The following RABL6 variants were observed in gnomAD, a reference collection of about 807,000 sequenced individuals.
The protein encoded by RABL6 is rab-like protein 6.
Under a neutral mutation model 72.9 loss-of-function variants are expected in RABL6, and 28 were observed. That is an observed-to-expected ratio of 0.38 (90% CI 0.28 to 0.53). The LOEUF (loss-of-function observed/expected upper bound fraction) is 0.53, where lower values mean the gene tolerates loss of function less well. Among genes scored for constraint, RABL6 ranks in the 20% least tolerant of loss-of-function variants. The probability of loss-of-function intolerance (pLI) is 0.80; values close to 1 mark genes in which losing one functional copy is unlikely to be tolerated. For synonymous variants in RABL6, 477 were observed against 421.2 expected (o/e 1.13, Z -1.62); for missense variants, 1,029 against 1,008.4 (o/e 1.02, Z -0.28).
chr9:136,811,010 G>A (rs1848000046), intron 1 of RABL6, among the ~76,000 whole-genome samples: 1 of 152,186 alleles, frequency 6.6e-6, no homozygotes, highest in African/African-American at 2.4e-5. Flanking sequence ...TAGTGGTCCC[G>A]GTAGACGTGT....
At chr9:136,833,396 C>T (rs1304826407) in intron 7 of RABL6, 6 of 395,644 alleles carry the variant, frequency 1.5e-5, no homozygotes, top group East Asian at 6.6e-5. Context: ...TGGGCTGCCC[C>T]GCCTGGGTCT....
chr9:136,839,807 C>T lies in RABL6; in HGVS notation c.1872C>T (p.Asp624=). Residue 624 remains aspartate (D), a synonymous_variant, in exon 13 of 15, where the codon GAC becomes GAT. Transcript: ENST00000311502. ...LPLPAFRLKN[D]SDLFGLGLEE... ...TCCCCGCCTTCAGACTGAAGAATGACTCGGACCTCTTCGGGCTGGGGCTGG... is the reference window on the plus strand; with the variant it reads ...TCCCCGCCTTCAGACTGAAGAATGATTCGGACCTCTTCGGGCTGGGGCTGG... The T allele has an allele frequency of 4.3e-6, 7 of 1,612,846 alleles. No homozygotes were observed. The highest frequency in any genetic ancestry group is 5.9e-6 in the Non-Finnish European group (7 of 1,179,832).
chr9:136,810,490 C>CT (rs1847985926), intron 1 of RABL6, among the ~76,000 whole-genome samples: 1 of 152,142 alleles, frequency 6.6e-6, no homozygotes, highest in Admixed American at 6.5e-5. Flanking sequence ...AATTTTAAAA[C>CT]TTTTGAGTTT....
rs780647199 is a variant in RABL6 at position 136,838,897 on chromosome 9, C to T, written c.1281-12C>T. On this transcript the variant is annotated splice_polypyrimidine_tract_variant and intron_variant, in intron 10 of 14. Transcript: ENST00000311502. ...CCCGTGGCCCTTGACCGCTTTGCCC[C>T]CTGCTTTGCAGTGATGGGGAGGCCC... 5 of 1,560,090 alleles carry T rather than the reference C, an allele frequency of 3.2e-6. No homozygotes were observed. The highest frequency in any genetic ancestry group is 1.8e-5 in the Admixed American group (1 of 54,472).
chr9:136,820,067 CT>C (rs1848205949), intron 1 of RABL6, among the ~76,000 whole-genome samples: 1 of 152,008 alleles, frequency 6.6e-6, no homozygotes, highest in Non-Finnish European at 1.5e-5. Context: ...GGCATGGCGG[CT>C]TGCGCCTGTA....
chr9:136,822,072 G>A, intron 1 of RABL6: 1 of 1,289,408 alleles, frequency 7.8e-7, no homozygotes, highest in Non-Finnish European at 1.0e-6. Context: ...TTGAGGTAGA[G>A]GGAGGGGACT....
At position 136,840,658 on chromosome 9, in the gene RABL6, A is replaced by G. The variant is rs546294135; in HGVS notation, c.*136A>G. 6.5e-7 allele frequency: 1 copy of G among 1,549,400 alleles called. No individual in the cohort carries two copies. Among genetic ancestry groups the G allele is most frequent in the Non-Finnish European group, 8.7e-7 (1 of 1,146,792 alleles). The stretch of plus-strand genomic sequence containing the variant: ...GCTTCTGAGCTGGAAGAGGCCGGGC[A>G]TTGGTGGTCCCCAGGCTGGGCCCTG... On this transcript the variant is annotated 3_prime_UTR_variant, in exon 15 of 15. Coordinates refer to ENST00000311502, the MANE Select transcript of RABL6 (RefSeq NM_024718.5).
At position 136,808,062 on chromosome 9, in the gene RABL6, G is replaced by T; in HGVS notation, c.-135G>T. 8.9e-7 allele frequency: 1 copy of T among 1,122,852 alleles called. No individual in the cohort carries two copies. The highest frequency in any genetic ancestry group is 3.9e-4 in the Middle Eastern group (1 of 2,560). 69.6% of individuals were successfully genotyped at this position (1,122,852 alleles called of 1,614,324 possible). ...GCTCGGGGCTGCGCTCCGCCGCCGG[G>T]ACCCCGGCCTCTGGCCGCGCCGGCT... On this transcript the variant is annotated 5_prime_UTR_variant, in exon 1 of 15. Transcript: ENST00000311502.
intron 13 of RABL6, 78 bp from the exon 14 acceptor site, chr9:136,840,076 T>C: frequency 6.3e-7 from 1 of 1,594,284 alleles, no homozygotes; most frequent in Non-Finnish European, 8.6e-7. Flanking sequence ...GCTTTGTGAG[T>C]TTCTAGAGAA....
At chr9:136,839,596 G>A in intron 12 of RABL6, 98 bp from the exon 13 acceptor site, 1 of 1,550,204 alleles carries the variant, frequency 6.5e-7, no homozygotes, top group Non-Finnish European at 8.7e-7. Context: ...GGCATCTCAT[G>A]TCCCCACACT....
At position 136,832,291 on chromosome 9, in the gene RABL6, A is replaced by G; in HGVS notation, c.626A>G (p.Tyr209Cys). Residue 209 changes from tyrosine to cysteine, a missense_variant, in exon 7 of 15, where the codon TAT becomes TGT. Around this residue, in one of 2 missense-constraint regions of RABL6, gnomAD observed 434 missense variants for 536.1 expected, o/e 0.81. Transcript: ENST00000311502. The part of the protein sequence containing the change: ...DRPPGSSYFR[Y>C]AESSMKNSFG... ...CCTCCAGGTTCCTCCTACTTCCGCT[A>G]TGCTGAGTCTTCCATGAAGAACAGC... The G allele has an allele frequency of 6.2e-7, 1 of 1,613,836 alleles. No individual in the cohort carries two copies. Among genetic ancestry groups the G allele is most frequent in the Non-Finnish European group, 8.5e-7 (1 of 1,179,802 alleles).
chr9:136,823,681 G>C, intron 2 of RABL6, 22 bp downstream of exon 2: 1 of 1,590,016 alleles, frequency 6.3e-7, no homozygotes, highest in Non-Finnish European at 8.6e-7. Context: ...GGGTGCCCCA[G>C]TGGGTTCGGG....
chr9:136,839,244 C>A lies in RABL6; in HGVS notation c.1516C>A (p.Pro506Thr). Residue 506 changes from proline to threonine, a missense_variant, in exon 12 of 15, where the codon CCA (proline) becomes ACA (threonine). By Grantham distance (38) the Pro-to-Thr change is conservative. Around this residue, in one of 2 missense-constraint regions of RABL6, gnomAD observed 595 missense variants for 472.4 expected, o/e 1.26. Coordinates refer to ENST00000311502, the MANE Select transcript of RABL6 (RefSeq NM_024718.5). ...AAGGTCCTCCATACCAGCTTCGAAG[C>A]CACGGAGGGGGACAGCTCCCACGAG... ...TKWSSIPASK[P>T]RRGTAPTRTA... 3 of 1,602,374 alleles carry A rather than the reference C, an allele frequency of 1.9e-6. No individual in the cohort carries two copies. The highest frequency in any genetic ancestry group is 2.6e-6 in the Non-Finnish European group (3 of 1,174,694).
rs1294967699 is a variant in RABL6, at chr9:136,840,540, C to T, written c.*18C>T. The stretch of plus-strand genomic sequence containing the variant: ...AGCTCTAGGCCGGCGTGGGCAGTGG[C>T]CGCCCTGGGGCGGGGGGCGTGCCTG... On this transcript the variant is annotated 3_prime_UTR_variant, in exon 15 of 15. Transcript: ENST00000311502. The T allele has an allele frequency of 2.6e-6, 4 of 1,514,762 alleles. No homozygotes were observed. The highest frequency in any genetic ancestry group is 2.4e-5 in the South Asian group (2 of 83,344). 93.8% of individuals were successfully genotyped at this position (1,514,762 alleles called of 1,614,324 possible).
Position 136,828,550 on chromosome 9 carries a change from A to C in RABL6, c.366+4A>C. The C allele has an allele frequency of 6.2e-7, 1 of 1,613,178 alleles. No individual in the cohort carries two copies. The highest frequency in any genetic ancestry group is 1.8e-4 in the Middle Eastern group (1 of 5,692). The stretch of plus-strand genomic sequence containing the variant: ...GATGGAGAACGACCCCCAGGAGGTG[A>C]GTGCCAGGTACACAGTGGGTAGCAG... On this transcript the variant is annotated splice_donor_region_variant and intron_variant, in intron 4 of 14. Coordinates refer to ENST00000311502, the MANE Select transcript of RABL6 (RefSeq NM_024718.5).
intron 3 of RABL6, chr9:136,828,205 G>A: frequency 2.4e-6 from 1 of 413,260 alleles, no homozygotes; most frequent in Non-Finnish European, 4.5e-6. Context: ...CTGGTGTAGG[G>A]CTGTAGGCCA....
At chr9:136,829,548 T>C (rs533701837) in intron 5 of RABL6, 64 bp downstream of exon 5, 8 of 1,383,960 alleles carry the variant, frequency 5.8e-6, no homozygotes, top group Non-Finnish European at 8.0e-6. Context: ...TTGGGCGCCC[T>C]CTTTGTGCAG....
At chr9:136,808,562 G>A (rs2131147121) in intron 1 of RABL6, 1 of 258,938 alleles carries the variant, frequency 3.9e-6, no homozygotes. Context: ...GCACTCGCCT[G>A]CCGCGTGTCG....
chr9:136,830,149 C>T (rs958371722), intron 5 of RABL6, among the ~76,000 whole-genome samples: 2 of 152,254 alleles, frequency 1.3e-5, no homozygotes, highest in African/African-American at 4.8e-5. Flanking sequence ...CCAGGAGCAG[C>T]ATGCCCGACA....
Sources: gnomAD v4.1 joint callset for allele counts (sites outside exome capture counted in the v4.1 genomes callset) on GRCh38, gnomAD v4.1.1 for gene constraint, gnomAD v4.1.1 regional missense constraint, MANE v1.5 for transcripts, NCBI Gene and HGNC (gene_info 2026-07-23, HGNC 2026-07-21) for gene names.